MFSD11: variants seen among roughly 807,000 people sequenced by gnomAD.
The protein encoded by MFSD11 is major facilitator superfamily domain containing 11, also known as UNC93-like protein MFSD11.
In MFSD11, 36 loss-of-function variants were observed where a neutral mutation model predicts 53.5. That is an observed-to-expected ratio of 0.67 (90% CI 0.52 to 0.89). The LOEUF (loss-of-function observed/expected upper bound fraction) is 0.89, where lower values mean the gene tolerates loss of function less well. Ranked by LOEUF, MFSD11 falls within the 40% of genes least tolerant of loss-of-function variation. The pLI, the probability that MFSD11 is intolerant of heterozygous loss-of-function variation, is 0.00. For missense variants in MFSD11, 530 were observed against 543.9 expected, an observed-to-expected ratio of 0.97 and a Z score of 0.25; for synonymous variants, 186 against 184.9, an observed-to-expected ratio of 1.01 and a Z score of -0.05.
intron 8 of MFSD11, among the ~76,000 whole-genome samples, chr17:76,759,083 T>G (rs1196043029): frequency 6.6e-6 from 1 of 151,808 alleles, no homozygotes; most frequent in Non-Finnish European, 1.5e-5. Context: ...TTATCTCTAC[T>G]AAAAATAAAA....
the MFSD11 span, among the ~76,000 whole-genome samples, chr17:76,802,456 T>C: frequency 6.6e-6 from 1 of 152,208 alleles, no homozygotes; most frequent in African/African-American, 2.4e-5. Context: ...ACTCAGCAAC[T>C]CTAACTCTTA....
downstream of MFSD11, among the ~76,000 whole-genome samples, chr17:76,785,310 G>A (rs79862829): frequency 0.016 from 2,489 of 152,138 alleles, 42 homozygotes; most frequent in South Asian, 0.053. Flanking sequence ...TGGTGGGGAC[G>A]GAAGAGTGGG....
In MFSD11 at chr17:76,740,999, T is replaced by C. The variant is rs1207441242; in HGVS notation, c.195T>C (p.Ile65=). 3 of 1,613,436 alleles carry C rather than the reference T, an allele frequency of 1.9e-6. No individual in the cohort carries two copies. The African/African-American group carries it at 4.0e-5, about 22-fold the overall frequency. ...GAGTGTTCTCTGCTTCAAATTTGAT[T>C]ACACCGTCAGTGGTTGCCATTGTAG... ...IYGVFSASNL[I]TPSVVAIVGP... The change falls in exon 3 of 13, where the codon ATT becomes ATC. Residue 65 remains isoleucine (I), a synonymous_variant. Transcript: ENST00000685175.
the MFSD11 span, among the ~76,000 whole-genome samples, chr17:76,798,040 C>T: frequency 1.8e-3 from 267 of 151,314 alleles, no homozygotes; most frequent in African/African-American, 6.0e-3. Context: ...CGCACCACCA[C>T]GCCCGGTTAA....
the MFSD11 span, among the ~76,000 whole-genome samples, chr17:76,796,887 C>T: frequency 3.5e-5 from 5 of 144,150 alleles, no homozygotes; most frequent in African/African-American, 1.0e-4. Flanking sequence ...AGCTGAGGCT[C>T]GGTTGGGCAC....
Position 76,765,251 on chromosome 17 carries a change from C to T in MFSD11, c.683-2135C>T, listed in dbSNP as rs563562747. Among the ~76,000 whole-genome samples, 121 of 152,106 alleles carry T rather than the reference C, an allele frequency of 8.0e-4. No individual in the cohort carries two copies. The South Asian group carries it at 0.013, about 16-fold the overall frequency. On this transcript the variant is annotated intron_variant, in intron 8 of 12. Transcript: ENST00000685175. ...TATCCTGTTGTAGTCACGCCATTTG[C>T]TGAAAAGTCTGTTTTTTTGTCACTC...
At chr17:76,782,761 A>G (rs1463083691), downstream of MFSD11, among the ~76,000 whole-genome samples, 1 of 151,634 alleles carries the variant, frequency 6.6e-6, no homozygotes, top group African/African-American at 2.4e-5. Context: ...TACAGGCTTG[A>G]GCCCACCACG....
At chr17:76,751,081 T>C (rs1489392635) in intron 7 of MFSD11, among the ~76,000 whole-genome samples, 1 of 151,336 alleles carries the variant, frequency 6.6e-6, no homozygotes, top group Non-Finnish European at 1.5e-5. Flanking sequence ...GATTACAGGA[T>C]AGAAATGTAA....
At chr17:76,790,432 C>T in the MFSD11 span, among the ~76,000 whole-genome samples, 2 of 147,262 alleles carry the variant, frequency 1.4e-5, 1 homozygote, top group Admixed American at 1.4e-4. Flanking sequence ...ACCTCTGCCT[C>T]CTGGGTTCAA....
chr17:76,793,342 C>T, the MFSD11 span, among the ~76,000 whole-genome samples: 7 of 151,504 alleles, frequency 4.6e-5, no homozygotes, highest in African/African-American at 1.7e-4. Context: ...CAGGGCTGTT[C>T]CTTGCTGAGA....
At chr17:76,740,359 T>C (rs1424555233) in intron 2 of MFSD11, among the ~76,000 whole-genome samples, 1 of 152,124 alleles carries the variant, frequency 6.6e-6, no homozygotes. Context: ...CAATAGTAAC[T>C]GAGTAATAAT....
At chr17:76,737,299 G>T (rs184792585), upstream of MFSD11, 51 of 1,200,656 alleles carry the variant, frequency 4.2e-5, no homozygotes, top group African/African-American at 6.6e-4. Flanking sequence ...AGCACGGACG[G>T]GCTCCGCAGG....
chr17:76,755,782 G>GTATACATATATATATATATA lies in MFSD11; in HGVS notation c.682+1696_682+1697insATACATATATATATATATAT, dbSNP rs1234863900. 3.1e-4 allele frequency among the ~76,000 whole-genome samples: 9 copies of GTATACATATATATATATATA among 29,168 alleles called. 1 individual carries two copies. The East Asian group carries it at 8.4e-3, about 27-fold the overall frequency. 19.1% of individuals were successfully genotyped at this position (29,168 alleles called of 152,430 possible). On this transcript the variant is annotated intron_variant, in intron 8 of 12. Coordinates refer to ENST00000685175, the MANE Select transcript of MFSD11 (RefSeq NM_001242532.5). ...TGTATATATGTACGTGTGTGTGTGTGTGTGTATACATATATATATATATAT... is the reference window on the plus strand; with the variant it reads ...TGTATATATGTACGTGTGTGTGTGTGTATACATATATATATATATATGTGTATACATATATATATATATAT...
At chr17:76,753,767 T>C (rs900591861) in intron 7 of MFSD11, among the ~76,000 whole-genome samples, 2 of 151,866 alleles carry the variant, frequency 1.3e-5, no homozygotes, top group Non-Finnish European at 2.9e-5. Context: ...TGAAGTATCA[T>C]TTCTGAGAAA....
At chr17:76,794,929 C>T in the MFSD11 span, among the ~76,000 whole-genome samples, 8 of 151,314 alleles carry the variant, frequency 5.3e-5, no homozygotes, top group East Asian at 1.0e-3. Flanking sequence ...CTCCTGACCT[C>T]GTGATCCACC....
At chr17:76,736,831 G>A (rs778651965), upstream of MFSD11, 7 of 1,601,112 alleles carry the variant, frequency 4.4e-6, no homozygotes, top group Admixed American at 1.7e-5. Context: ...CACCGCCCCC[G>A]TACCTGCGGG....
intron 10 of MFSD11, among the ~76,000 whole-genome samples, chr17:76,774,669 TG>T (rs2081652576): frequency 6.6e-6 from 1 of 152,204 alleles, no homozygotes; most frequent in South Asian, 2.1e-4. Flanking sequence ...AACAAAAACG[TG>T]GTCATAATGA....
chr17:76,749,209 G>C (rs1475788639), intron 7 of MFSD11, among the ~76,000 whole-genome samples: 2 of 152,170 alleles, frequency 1.3e-5, no homozygotes, highest in African/African-American at 4.8e-5. Flanking sequence ...CCAAAAAGGA[G>C]CCACAGGATG....
At chr17:76,780,330 T>G (rs1025461913), downstream of MFSD11, among the ~76,000 whole-genome samples, 2 of 152,098 alleles carry the variant, frequency 1.3e-5, no homozygotes, top group Non-Finnish European at 2.9e-5. Flanking sequence ...GTTTTGTTTT[T>G]TTTTTCTTTT....
Sources: gnomAD v4.1 joint callset for allele counts (sites outside exome capture counted in the v4.1 genomes callset) on GRCh38, gnomAD v4.1.1 for gene constraint, MANE v1.5 for transcripts, NCBI Gene and HGNC (gene_info 2026-07-23, HGNC 2026-07-21) for gene names.